AOC1: variants seen among roughly 807,000 people sequenced by gnomAD.
AOC1 encodes amine oxidase copper containing 1, also known as diamine oxidase [copper-containing].
A neutral mutation model predicts 57.1 loss-of-function variants in AOC1; 58 were observed. The observed-to-expected ratio is 1.02, with a 90% CI of 0.82 to 1.26. The LOEUF (loss-of-function observed/expected upper bound fraction) is 1.26. Ranked by LOEUF, AOC1 falls within the 50% of genes most tolerant of loss-of-function variation. The pLI, the probability that AOC1 is intolerant of heterozygous loss-of-function variation, is 0.00. For synonymous variants in AOC1, 401 were observed against 423.4 expected (o/e 0.95, Z 0.65); for missense variants, 917 against 1,005.3 (o/e 0.91, Z 1.19).
rs747207830 is a variant in AOC1 at position 150,857,037 on chromosome 7, C to T, written c.567C>T (p.Pro189=). ...GCCTGGCCTTCACCGATGTGGCCCC[C>T]CGGGGTGTGGCTTCTGGCCAGCGCC... The part of the protein sequence containing the change: ...DRCLAFTDVA[P]RGVASGQRRS... The change falls in exon 2 of 5, where the codon CCC becomes CCT. Residue 189 remains proline (P), a synonymous_variant. Coordinates refer to ENST00000360937, the MANE Select transcript of AOC1 (RefSeq NM_001091.4). This position sits in a 1 kb window ranked among gnomAD's most constrained non-coding sequence, Gnocchi z 6.6. 2.5e-6 allele frequency: 4 copies of T among 1,614,176 alleles called. 1 individual carries two copies. The South Asian group carries it at 3.3e-5, about 13-fold the overall frequency.
At position 150,856,415 on chromosome 7, in the gene AOC1, C is replaced by T; in HGVS notation, c.-16-40C>T. On this transcript the variant is annotated intron_variant, in intron 1 of 4. Coordinates refer to ENST00000360937, the MANE Select transcript of AOC1 (RefSeq NM_001091.4). This position sits in a 1 kb window ranked among gnomAD's most constrained non-coding sequence, Gnocchi z 5.2. ...TAACCTGAGGGAAGCCCATCTCTGCCCATAAGACAACTAAGTTCATCTCCT... is the reference window on the plus strand; with the variant it reads ...TAACCTGAGGGAAGCCCATCTCTGCTCATAAGACAACTAAGTTCATCTCCT... The T allele has an allele frequency of 6.5e-7, 1 of 1,548,308 alleles. No homozygotes were observed. Among genetic ancestry groups the T allele is most frequent in the Non-Finnish European group, 8.7e-7 (1 of 1,152,990 alleles).
chr7:150,855,313 G>A (rs1043480546), intron 1 of AOC1, among the ~76,000 whole-genome samples: 1 of 152,194 alleles, frequency 6.6e-6, no homozygotes, highest in South Asian at 2.1e-4. Context: ...AGAAACTAAG[G>A]CTGGGAGACA....
intron 3 of AOC1, 48 bp from the exon 4 acceptor site, chr7:150,860,453 G>A (rs1799934311): frequency 6.2e-7 from 1 of 1,612,210 alleles, no homozygotes; most frequent in Non-Finnish European, 8.5e-7. Context: ...GGACTGAGGG[G>A]GGCCAGCCCA....
upstream of AOC1, chr7:150,852,329 T>C (rs777577293): frequency 3.3e-5 from 5 of 152,300 alleles, no homozygotes; most frequent in Middle Eastern, 3.4e-3. The surrounding 1 kb of genome is among the most constrained non-coding windows in gnomAD (Gnocchi z 4.6). Context: ...GGCACTTGTC[T>C]GGAAACAGAC....
chr7:150,858,143 G>C, intron 2 of AOC1, 103 bp downstream of exon 2: 10 of 1,418,730 alleles, frequency 7.0e-6, no homozygotes, highest in Non-Finnish European at 9.4e-6. Flanking sequence ...GGAAAGTTAG[G>C]AGCATTTGCC....
chr7:150,858,463 C>T (rs752079651), intron 2 of AOC1, among the ~76,000 whole-genome samples: 7 of 152,126 alleles, frequency 4.6e-5, no homozygotes, highest in Non-Finnish European at 8.8e-5. Context: ...ACCACACGGG[C>T]GGCTCCTACC....
chr7:150,856,794 T>C lies in AOC1; in HGVS notation c.324T>C (p.His108=), dbSNP rs766237944. ...RAVIFFGDQE[H]PNVTEFAVGP... ...TCATCTTCTTTGGTGACCAGGAGCA[T>C]CCCAATGTCACCGAGTTTGCTGTGG... The change falls in exon 2 of 5, where the codon CAT becomes CAC. Residue 108 remains histidine, a synonymous_variant. Coordinates refer to ENST00000360937, the MANE Select transcript of AOC1 (RefSeq NM_001091.4). This position sits in a 1 kb window ranked among gnomAD's most constrained non-coding sequence, Gnocchi z 5.2. The C allele has an allele frequency of 4.3e-6, 7 of 1,613,978 alleles. No homozygotes were observed. Among genetic ancestry groups the C allele is most frequent in the Admixed American group, 1.7e-5 (1 of 60,006 alleles).
chr7:150,854,978 T>G (rs141397932), intron 1 of AOC1, among the ~76,000 whole-genome samples: 2 of 152,324 alleles, frequency 1.3e-5, no homozygotes, highest in African/African-American at 4.8e-5. Flanking sequence ...AGAACGAGTT[T>G]TCTCCAGGTT....
At position 150,857,239 on chromosome 7, in the gene AOC1, G is replaced by C. The variant is rs1563092899; in HGVS notation, c.769G>C (p.Glu257Gln). ...ACTGGCTCGGAAGTATGCAGATGGA[G>C]AGGTGGACGTGGTGGTCCTGGAGGA... ...EELARKYADG[E>Q]VDVVVLEDPL... The change falls in exon 2 of 5, where the codon GAG (glutamate) becomes CAG (glutamine). Residue 257 changes from glutamate to glutamine, a missense_variant. Coordinates refer to ENST00000360937, the MANE Select transcript of AOC1 (RefSeq NM_001091.4). This position sits in a 1 kb window ranked among gnomAD's most constrained non-coding sequence, Gnocchi z 6.6. The C allele has an allele frequency of 6.2e-7, 1 of 1,612,230 alleles. No individual in the cohort carries two copies. The highest frequency in any genetic ancestry group is 8.5e-7 in the Non-Finnish European group (1 of 1,178,998).
chr7:150,852,745 G>A lies in AOC1; in HGVS notation c.-17+187G>A, dbSNP rs559807102. Among the ~76,000 whole-genome samples, 7 of 152,274 alleles carry A rather than the reference G, an allele frequency of 4.6e-5. No homozygotes were observed. The highest frequency in any genetic ancestry group is 1.3e-4 in the Admixed American group (2 of 15,302). ...GGGTGCTTGGTGGCAGGCAACAGCC[G>A]GCCAGGGTGGAGTGGGGAAAGCTCA... On this transcript the variant is annotated intron_variant, in intron 1 of 4. Transcript: ENST00000360937. This position sits in a 1 kb window ranked among gnomAD's most constrained non-coding sequence, Gnocchi z 4.6.
At chr7:150,860,801 C>T (rs1799947061) in intron 4 of AOC1, 142 bp from the exon 5 acceptor site, 1 of 1,359,416 alleles carries the variant, frequency 7.4e-7, no homozygotes, top group Non-Finnish European at 1.0e-6. Flanking sequence ...GAGGTCACAA[C>T]AGAGCTGCTC....
intron 1 of AOC1, among the ~76,000 whole-genome samples, chr7:150,855,337 T>C (rs1012191122): frequency 2.0e-5 from 3 of 152,100 alleles, no homozygotes; most frequent in Admixed American, 2.0e-4. Context: ...CCAGCCAGCA[T>C]CTGTAGCAAC....
In AOC1 at chr7:150,860,481, G is replaced by T. The variant is rs1799935459; in HGVS notation, c.1857-20G>T. ...CCAGCCCAGGGCCCTGAGCCAAGCT[G>T]CTTCGCCTGTGCCTGGCAGGTACCC... is the stretch of plus-strand genomic sequence containing the variant. On this transcript the variant is annotated intron_variant, in intron 3 of 4. Transcript: ENST00000360937. 10 of 1,613,558 alleles carry T rather than the reference G, an allele frequency of 6.2e-6. No homozygotes were observed. Among genetic ancestry groups the T allele is most frequent in the Non-Finnish European group, 8.5e-6 (10 of 1,179,914 alleles).
chr7:150,855,277 A>T (rs1000276464), intron 1 of AOC1, among the ~76,000 whole-genome samples: 1 of 152,142 alleles, frequency 6.6e-6, no homozygotes, highest in Non-Finnish European at 1.5e-5. Context: ...GGCCCACATC[A>T]CCTAGGAGGA....
chr7:150,858,408 A>T (rs1799860109), intron 2 of AOC1, among the ~76,000 whole-genome samples: 1 of 152,116 alleles, frequency 6.6e-6, no homozygotes, highest in African/African-American at 2.4e-5. Context: ...AAAGAATGGC[A>T]TGGGTAGAAT....
rs764304942 is a variant in AOC1 at position 150,856,586 on chromosome 7, A to T, written c.116A>T (p.Gln39Leu). The T allele has an allele frequency of 6.2e-7, 1 of 1,614,092 alleles. No homozygotes were observed. Among genetic ancestry groups the T allele is most frequent in the Non-Finnish European group, 8.5e-7 (1 of 1,179,954 alleles). Residue 39 changes from glutamine (Q) to leucine (L), a missense_variant, in exon 2 of 5, where the codon CAA becomes CTA. Gln to Leu is a moderately radical substitution (Grantham distance 113, BLOSUM62 -2). Coordinates refer to ENST00000360937, the MANE Select transcript of AOC1 (RefSeq NM_001091.4). The surrounding 1 kb of genome is among the most constrained non-coding windows in gnomAD (Gnocchi z 5.2). Reference sequence around the variant, plus strand: ...GGGGTGTTTTCAGACCTAAGCAACCAAGAGCTGAAGGCAGTGCACAGCTTC... The same window carrying T: ...GGGGTGTTTTCAGACCTAAGCAACCTAGAGCTGAAGGCAGTGCACAGCTTC... ...KAGVFSDLSN[Q>L]ELKAVHSFLW...
At chr7:150,859,805 T>G (rs1048138022) in intron 3 of AOC1, 1 of 154,650 alleles carries the variant, frequency 6.5e-6, no homozygotes, top group Non-Finnish European at 1.5e-5. Context: ...TCCTTCACTT[T>G]AAGTGGGCTG....
At chr7:150,853,366 A>G (rs2116816799) in intron 1 of AOC1, among the ~76,000 whole-genome samples, 1 of 152,262 alleles carries the variant, frequency 6.6e-6, no homozygotes, top group South Asian at 2.1e-4. Context: ...GAGTATACAG[A>G]AACTCTCAGT....
intron 3 of AOC1, 94 bp from the exon 4 acceptor site, chr7:150,860,407 T>A: frequency 6.3e-7 from 1 of 1,585,698 alleles, no homozygotes; most frequent in South Asian, 1.1e-5. Flanking sequence ...GGCAATCATC[T>A]TCCTCTATTC....
Sources: gnomAD v4.1 joint callset for allele counts (sites outside exome capture counted in the v4.1 genomes callset) on GRCh38, gnomAD v4.1.1 for gene constraint, Gnocchi (gnomAD v3.1) non-coding constraint, MANE v1.5 for transcripts, NCBI Gene and HGNC (gene_info 2026-07-23, HGNC 2026-07-21) for gene names.